Variants in DDX60L observed in about 807,000 individuals in gnomAD.
The protein encoded by DDX60L is DExD/H-box 60 like, also known as probable ATP-dependent RNA helicase DDX60-like.
DDX60L carries 191 observed loss-of-function variants against 211.6 expected under a neutral mutation model. That is an observed-to-expected ratio of 0.90 (90% confidence interval 0.80 to 1.02). The LOEUF (loss-of-function observed/expected upper bound fraction) is 1.02, where lower values mean the gene tolerates loss of function less well. Ranked by LOEUF, DDX60L falls within the 50% of genes least tolerant of loss-of-function variation. DDX60L has a pLI of 0.00. For missense variants in DDX60L, 2,007 were observed against 1,984.1 expected, an observed-to-expected ratio of 1.01 and a Z score of -0.22; for synonymous variants, 706 against 694.1, an observed-to-expected ratio of 1.02 and a Z score of -0.27.
At chr4:168,402,186 G>T in intron 25 of DDX60L, among the ~76,000 whole-genome samples, 1 of 144,580 alleles carries the variant, frequency 6.9e-6, no homozygotes. Flanking sequence ...GGAGTACAGT[G>T]GTGCACTCGC....
intron 10 of DDX60L, among the ~76,000 whole-genome samples, chr4:168,437,565 G>A (rs970042711): frequency 6.6e-6 from 1 of 152,160 alleles, no homozygotes; most frequent in Non-Finnish European, 1.5e-5. Flanking sequence ...ACGATGCAAA[G>A]GAAAGTCAGA....
At chr4:168,412,599 T>C (rs1370548132) in intron 22 of DDX60L, among the ~76,000 whole-genome samples, 1 of 152,172 alleles carries the variant, frequency 6.6e-6, no homozygotes, top group Non-Finnish European at 1.5e-5. Context: ...CCGGGGAACC[T>C]GCCACCTTGA....
intron 10 of DDX60L, among the ~76,000 whole-genome samples, chr4:168,438,026 A>T (rs1753304494): frequency 6.6e-6 from 1 of 152,080 alleles, no homozygotes; most frequent in South Asian, 2.1e-4. Flanking sequence ...GGCACATGCC[A>T]CCATGCCCAG....
chr4:168,442,685 C>A (rs200839660), intron 9 of DDX60L, among the ~76,000 whole-genome samples: 9 of 150,268 alleles, frequency 6.0e-5, no homozygotes, highest in Non-Finnish European at 1.0e-4. Flanking sequence ...GATCTGAGAA[C>A]GGGCAGACTG....
intron 37 of DDX60L, among the ~76,000 whole-genome samples, 153 bp from the exon 38 acceptor site, chr4:168,358,429 T>C (rs1253154563): frequency 6.6e-6 from 1 of 152,136 alleles, no homozygotes; most frequent in Admixed American, 6.5e-5. Context: ...AATGCACAGT[T>C]ATCTTGTAAA....
rs1310516518 is a variant in DDX60L, at chr4:168,384,767, C to T, written c.3961G>A (p.Val1321Met). 3 of 1,613,570 alleles carry T rather than the reference C, an allele frequency of 1.9e-6. No homozygotes were observed. The highest frequency in any genetic ancestry group is 2.5e-6 in the Non-Finnish European group (3 of 1,179,760). ...GRRGQDLLGN[V>M]YFFDIPLPKI... ...GGCAATGGGATATCAAAGAAATACACATTTCCAAGCAGGTCTTGACCTCTT... is the reference window on the plus strand; with the variant it reads ...GGCAATGGGATATCAAAGAAATACATATTTCCAAGCAGGTCTTGACCTCTT... Residue 1321 changes from valine (V) to methionine (M), a missense_variant, in exon 30 of 38, where the codon GTG becomes ATG. By Grantham distance (21) the Val-to-Met change is conservative. Coordinates refer to ENST00000682922, the MANE Select transcript of DDX60L (RefSeq NM_001012967.3).
At chr4:168,442,456 G>T (rs940661824) in intron 9 of DDX60L, among the ~76,000 whole-genome samples, 35 of 152,154 alleles carry the variant, frequency 2.3e-4, no homozygotes, top group African/African-American at 8.4e-4. Flanking sequence ...GGGGAGGGGC[G>T]CCCGCCATTG....
chr4:168,431,801 A>T (rs901879739), intron 12 of DDX60L, among the ~76,000 whole-genome samples: 4 of 152,218 alleles, frequency 2.6e-5, no homozygotes, highest in African/African-American at 9.6e-5. Flanking sequence ...GAACCAGGAA[A>T]AAAAGATCTA....
In DDX60L at chr4:168,432,552, A is replaced by G; in HGVS notation, c.1419T>C (p.Pro473=). The G allele has an allele frequency of 6.3e-7, 1 of 1,580,138 alleles. No homozygotes were observed. Among genetic ancestry groups the G allele is most frequent in the East Asian group, 2.3e-5 (1 of 43,492 alleles). The part of the protein sequence containing the change: ...PILKSDDPVV[P]SLFKQKTSDE... ...CAGATGTCTTTTGTTTAAACAGTGAAGGAACAACCGGATCATCACTGTAAA... is the reference window on the plus strand; with the variant it reads ...CAGATGTCTTTTGTTTAAACAGTGAGGGAACAACCGGATCATCACTGTAAA... Residue 473 remains proline, a synonymous_variant, in exon 12 of 38, where the codon CCT becomes CCC. Coordinates refer to ENST00000682922, the MANE Select transcript of DDX60L (RefSeq NM_001012967.3).
At chr4:168,369,810 T>C (rs868783374) in intron 36 of DDX60L, among the ~76,000 whole-genome samples, 1 of 152,138 alleles carries the variant, frequency 6.6e-6, no homozygotes, top group African/African-American at 2.4e-5. Context: ...AACAGGTATA[T>C]GAAAAAATGT....
chr4:168,376,972 T>G (rs1451655300), intron 33 of DDX60L, among the ~76,000 whole-genome samples: 2 of 152,208 alleles, frequency 1.3e-5, no homozygotes, highest in Non-Finnish European at 2.9e-5. Context: ...CACAGAACAT[T>G]GAGTAATTAT....
At chr4:168,395,886 C>T in intron 27 of DDX60L, 73 bp downstream of exon 27, 1 of 1,039,824 alleles carries the variant, frequency 9.6e-7, no homozygotes, top group Non-Finnish European at 1.5e-6. Flanking sequence ...TTTCAGTGTT[C>T]AAAGATATTA....
At chr4:168,400,173 A>G (rs542470778) in intron 26 of DDX60L, among the ~76,000 whole-genome samples, 1 of 152,288 alleles carries the variant, frequency 6.6e-6, no homozygotes, top group Middle Eastern at 3.4e-3. Context: ...AGCTCTATCA[A>G]TGTCCCTGTA....
At chr4:168,373,931 G>A in intron 34 of DDX60L, 123 bp from the exon 35 acceptor site, 1 of 916,344 alleles carries the variant, frequency 1.1e-6, no homozygotes, top group Non-Finnish European at 1.7e-6. Flanking sequence ...AAAACTGATT[G>A]AGATATGGTG....
chr4:168,390,447 C>A, intron 29 of DDX60L: 1 of 1,346,108 alleles, frequency 7.4e-7, no homozygotes, highest in South Asian at 2.1e-5. Flanking sequence ...CAGCAACATC[C>A]TAAAAGGTCA....
At chr4:168,365,822 T>C (rs1739884047) in intron 36 of DDX60L, among the ~76,000 whole-genome samples, 1 of 152,106 alleles carries the variant, frequency 6.6e-6, no homozygotes, top group Admixed American at 6.5e-5. Context: ...AAAATGTCAT[T>C]CAATAAGATC....
intron 4 of DDX60L, chr4:168,470,415 A>T (rs1758599018): frequency 6.6e-6 from 1 of 152,270 alleles, no homozygotes; most frequent in South Asian, 2.1e-4. Context: ...CCACTCAACA[A>T]GAAAATGGGT....
intron 12 of DDX60L, 27 bp from the exon 13 acceptor site, chr4:168,430,665 A>T (rs1752204608): frequency 6.8e-7 from 1 of 1,468,534 alleles, no homozygotes; most frequent in Non-Finnish European, 9.1e-7. Flanking sequence ...TAAAATGTAA[A>T]CATGTATTTT....
chr4:168,457,299 C>CAT (rs541172156), intron 6 of DDX60L, among the ~76,000 whole-genome samples: 133 of 151,720 alleles, frequency 8.8e-4, no homozygotes, highest in African/African-American at 3.1e-3. Context: ...CACATACACA[C>CAT]ACACACACAC....
Sources: allele counts gnomAD v4.1 joint callset (sites outside exome capture counted in the v4.1 genomes callset), GRCh38; gene constraint gnomAD v4.1.1; transcripts MANE v1.5; gene names NCBI Gene and HGNC (gene_info 2026-07-23, HGNC 2026-07-21).